Variants in TENM2 observed in about 807,000 individuals in gnomAD.
TENM2 encodes the protein teneurin transmembrane protein 2, also known as teneurin-2.
A neutral mutation model predicts 245.2 loss-of-function variants in TENM2; 52 were observed. The ratio of observed to expected loss-of-function variants is 0.21; its 90% CI spans 0.17 to 0.27. The LOEUF (loss-of-function observed/expected upper bound fraction) is 0.27. TENM2 is among the 10% of genes least tolerant of loss of function. The pLI, the probability that TENM2 is intolerant of heterozygous loss-of-function variation, is 1.00. For missense variants in TENM2, 3,046 were observed against 3,666.8 expected, an observed-to-expected ratio of 0.83 and a Z score of 4.37; for synonymous variants, 1,363 against 1,438.9, an observed-to-expected ratio of 0.95 and a Z score of 1.19.
At chr5:167,179,416 T>C in the TENM2 span, among the ~76,000 whole-genome samples, 1 of 152,226 alleles carries the variant, frequency 6.6e-6, no homozygotes, top group Non-Finnish European at 1.5e-5. Context: ...GTTACTGCTT[T>C]GAGCATTACA....
intron 8 of TENM2, among the ~76,000 whole-genome samples, chr5:168,094,292 G>A (rs1793180574): frequency 6.6e-6 from 1 of 152,020 alleles, no homozygotes; most frequent in Non-Finnish European, 1.5e-5. Context: ...AAGATCTCGG[G>A]CCTTTTCCAT....
intron 2 of TENM2, among the ~76,000 whole-genome samples, chr5:167,393,674 CAG>C (rs1761894843): frequency 6.6e-6 from 1 of 152,064 alleles, no homozygotes; most frequent in Non-Finnish European, 1.5e-5. Context: ...AGCATCCAGA[CAG>C]AGTTTTGAGC....
At chr5:166,994,612 G>A in the TENM2 span, among the ~76,000 whole-genome samples, 6 of 152,306 alleles carry the variant, frequency 3.9e-5, 1 homozygote, top group South Asian at 8.3e-4. Flanking sequence ...AGTTGGCATG[G>A]CAGATTGCCA....
chr5:167,913,000 G>A (rs1776665744), intron 3 of TENM2, among the ~76,000 whole-genome samples: 1 of 152,066 alleles, frequency 6.6e-6, no homozygotes, highest in Non-Finnish European at 1.5e-5. Flanking sequence ...ATGATGTGAT[G>A]GATGACAGGG....
At chr5:167,229,675 C>T in the TENM2 span, among the ~76,000 whole-genome samples, 7 of 152,142 alleles carry the variant, frequency 4.6e-5, no homozygotes, top group African/African-American at 1.7e-4. Flanking sequence ...TCAGCATCCC[C>T]ATGTTCCTGG....
rs527775014 is a variant in TENM2 at position 167,390,819 on chromosome 5, A to G, written c.502+15346A>G. Among the ~76,000 whole-genome samples the G allele has an allele frequency of 2.2e-4, 33 of 152,322 alleles. No individual in the cohort carries two copies. The South Asian group carries it at 6.4e-3, about 30-fold the overall frequency. ...TTTCCACTGATACACATTTATGGCT[A>G]TGAACAACAAGGCACGTCGAGAAAG... On this transcript the variant is annotated intron_variant, in intron 2 of 28. Transcript: ENST00000518659.
At chr5:168,262,224 G>T (rs767391820) in exon 29 of TENM2, 1 of 1,605,432 alleles carries the variant, frequency 6.2e-7, no homozygotes, top group Non-Finnish European at 8.5e-7. Flanking sequence ...AAAGAAGGGC[G>T]GGTGACCACG....
At chr5:167,554,263 G>T (rs1272355936) in intron 2 of TENM2, among the ~76,000 whole-genome samples, 2 of 152,160 alleles carry the variant, frequency 1.3e-5, no homozygotes, top group Non-Finnish European at 2.9e-5. Flanking sequence ...ACCATGCCTT[G>T]GTGCAATAGC....
rs115306525 is a variant in TENM2, at chr5:167,973,617, G to T, written c.948-19327G>T. On this transcript the variant is annotated intron_variant, in intron 4 of 28. Transcript: ENST00000518659. ...GCATCCAACCTACCTGGTCAGGGAA[G>T]CCTGGCTGGCAGATACGGGGTCTGA... Among the ~76,000 whole-genome samples, 601 of 152,292 alleles carry T rather than the reference G, an allele frequency of 3.9e-3. 5 individuals are homozygous for T. The highest frequency in any genetic ancestry group is 0.013 in the African/African-American group (561 of 41,574).
intron 2 of TENM2, among the ~76,000 whole-genome samples, chr5:167,444,292 T>TACACACAC (rs1403343870): frequency 2.1e-5 from 1 of 47,330 alleles, no homozygotes; most frequent in Non-Finnish European, 4.5e-5. Context: ...CATGCACACA[T>TACACACAC]ACACATACAC....
At chr5:168,180,541 T>G (rs1020846291) in intron 13 of TENM2, among the ~76,000 whole-genome samples, 1 of 152,178 alleles carries the variant, frequency 6.6e-6, no homozygotes, top group African/African-American at 2.4e-5. Context: ...TCTCAGTCAC[T>G]CAGAACAGAG....
At chr5:167,237,053 T>G in the TENM2 span, among the ~76,000 whole-genome samples, 1 of 152,184 alleles carries the variant, frequency 6.6e-6, no homozygotes, top group African/African-American at 2.4e-5. Context: ...AAGTTTCTCT[T>G]GCAATTCCTG....
intron 12 of TENM2, among the ~76,000 whole-genome samples, chr5:168,140,069 G>A (rs1351780316): frequency 6.6e-6 from 1 of 152,234 alleles, no homozygotes; most frequent in African/African-American, 2.4e-5. Flanking sequence ...CCTGGATTGA[G>A]ACTGGGACAG....
the TENM2 span, among the ~76,000 whole-genome samples, chr5:167,144,375 C>T: frequency 2.0e-5 from 3 of 152,178 alleles, no homozygotes; most frequent in Admixed American, 6.5e-5. Flanking sequence ...TCTAATTAAG[C>T]GGGCAGTTGT....
intron 3 of TENM2, among the ~76,000 whole-genome samples, chr5:167,892,159 G>A (rs1398324133): frequency 6.6e-6 from 1 of 152,150 alleles, no homozygotes; most frequent in Non-Finnish European, 1.5e-5. Flanking sequence ...AAAGAGAAGT[G>A]CTACATTAAA....
intron 9 of TENM2, among the ~76,000 whole-genome samples, chr5:168,102,614 T>C (rs905697687): frequency 6.6e-6 from 1 of 152,150 alleles, no homozygotes; most frequent in Non-Finnish European, 1.5e-5. Flanking sequence ...CTCATAACTA[T>C]TGGCTCCTAA....
chr5:167,820,674 G>A (rs1485762412), intron 2 of TENM2, among the ~76,000 whole-genome samples: 2 of 152,210 alleles, frequency 1.3e-5, no homozygotes, highest in Non-Finnish European at 2.9e-5. Context: ...CCTGAGAGCC[G>A]GGTAAGTGTA....
the TENM2 span, among the ~76,000 whole-genome samples, chr5:167,178,990 A>G: frequency 3.3e-5 from 5 of 152,212 alleles, no homozygotes; most frequent in Admixed American, 1.3e-4. Flanking sequence ...CCTTATATAC[A>G]TCAATGAGGT....
At chr5:168,125,115 A>G in intron 11 of TENM2, 65 bp downstream of exon 13, 7 of 1,360,094 alleles carry the variant, frequency 5.1e-6, no homozygotes, top group Non-Finnish European at 7.2e-6. Context: ...TCCCATTCTC[A>G]GATGGATGGG....
Sources: gnomAD v4.1 joint callset for allele counts (sites outside exome capture counted in the v4.1 genomes callset) on GRCh38, gnomAD v4.1.1 for gene constraint, MANE v1.5 for transcripts, NCBI Gene and HGNC (gene_info 2026-07-23, HGNC 2026-07-21) for gene names.